The following GPR137C variants were observed in gnomAD, a reference collection of about 807,000 sequenced individuals.
The protein encoded by GPR137C is G protein-coupled receptor 137C.
A neutral mutation model predicts 43.4 loss-of-function variants in GPR137C; 27 were observed. That is an observed-to-expected ratio of 0.62 (90% CI 0.46 to 0.86). GPR137C has a LOEUF of 0.86. Ranked by LOEUF, GPR137C falls within the 40% of genes least tolerant of loss-of-function variation. The pLI is 0.00. For missense variants in GPR137C, 522 were observed against 534.6 expected (o/e 0.98, Z 0.23); for synonymous variants, 285 against 226.9 (o/e 1.26, Z -2.30).
In GPR137C at chr14:52,624,580, C is replaced by G. The variant is rs191422317; in HGVS notation, c.718-7580C>G. ...CTCTACAAAAAATACAAAAATTAGC[C>G]GGGTGTGGTGGTATGCACCTGTAGT... On this transcript the variant is annotated intron_variant, in intron 3 of 6. Coordinates refer to ENST00000321662, the MANE Select transcript of GPR137C (RefSeq NM_001099652.2). 6.2e-3 allele frequency among the ~76,000 whole-genome samples: 937 copies of G among 151,572 alleles called. 9 individuals carry two copies. The highest frequency in any genetic ancestry group is 0.022 in the African/African-American group (896 of 41,318).
intron 1 of GPR137C, among the ~76,000 whole-genome samples, chr14:52,589,996 A>T (rs2038761555): frequency 6.6e-6 from 1 of 152,184 alleles, no homozygotes; most frequent in South Asian, 2.1e-4. Flanking sequence ...ATTAAAAAAA[A>T]GTTAACTGTA....
intron 2 of GPR137C, among the ~76,000 whole-genome samples, chr14:52,599,077 T>G (rs2139524154): frequency 6.6e-6 from 1 of 152,332 alleles, no homozygotes; most frequent in African/African-American, 2.4e-5. Context: ...CAGATAAATT[T>G]CAGCATCATA....
intron 1 of GPR137C, among the ~76,000 whole-genome samples, chr14:52,597,900 T>C (rs1041714686): frequency 1.3e-5 from 2 of 152,358 alleles, no homozygotes; most frequent in East Asian, 1.9e-4. Context: ...GCCATATTCA[T>C]ATTTAAGCAA....
intron 1 of GPR137C, among the ~76,000 whole-genome samples, chr14:52,560,840 CA>C (rs1343686920): frequency 6.6e-6 from 1 of 151,954 alleles, no homozygotes; most frequent in Admixed American, 6.6e-5. Flanking sequence ...TTGCAGTAAA[CA>C]AAAAGGCATG....
chr14:52,585,400 C>T (rs534529846), intron 1 of GPR137C, among the ~76,000 whole-genome samples: 1 of 152,220 alleles, frequency 6.6e-6, no homozygotes, highest in Non-Finnish European at 1.5e-5. Flanking sequence ...CGCTCTGTCT[C>T]TCACTGTCTC....
chr14:52,625,375 G>A (rs1255229977), intron 3 of GPR137C, among the ~76,000 whole-genome samples: 5 of 150,470 alleles, frequency 3.3e-5, no homozygotes, highest in South Asian at 2.1e-4. Flanking sequence ...GCTTCTACTC[G>A]GGAGACTGAG....
At chr14:52,608,476 C>T (rs536510124) in intron 3 of GPR137C, among the ~76,000 whole-genome samples, 13 of 152,242 alleles carry the variant, frequency 8.5e-5, no homozygotes, top group African/African-American at 3.1e-4. Flanking sequence ...AAATTGTAGT[C>T]ATTATTTTTA....
Position 52,597,731 on chromosome 14 carries a change from A to T in GPR137C, c.445-541A>T, listed in dbSNP as rs2038873625. ...TTTACCTACTCACCTGACTTTATTC[A>T]ACAAGTATCTGAGCACCTGCCTTTT... On this transcript the variant is annotated intron_variant, in intron 1 of 6. Transcript: ENST00000321662. Among the ~76,000 whole-genome samples, 4 of 152,210 alleles carry T rather than the reference A, an allele frequency of 2.6e-5. No homozygotes were observed. In the South Asian group the frequency reaches 8.3e-4, roughly 32 times the overall value.
At chr14:52,579,828 T>G (rs1038191012) in intron 1 of GPR137C, among the ~76,000 whole-genome samples, 1 of 152,118 alleles carries the variant, frequency 6.6e-6, no homozygotes, top group Admixed American at 6.6e-5. Context: ...GTGCCCAAGA[T>G]TTTTTTTATT....
intron 1 of GPR137C, among the ~76,000 whole-genome samples, chr14:52,592,946 A>T (rs2038803163): frequency 6.6e-6 from 1 of 152,192 alleles, no homozygotes. Context: ...TTGCCCATTC[A>T]GTATGATACT....
intron 3 of GPR137C, among the ~76,000 whole-genome samples, chr14:52,625,391 A>C (rs1482116451): frequency 6.7e-6 from 1 of 149,322 alleles, no homozygotes. Flanking sequence ...CTGAGGCAGG[A>C]GAATCGCTTG....
At position 52,622,339 on chromosome 14, in the gene GPR137C, A is replaced by G. The variant is rs2139569601; in HGVS notation, c.718-9821A>G. On this transcript the variant is annotated intron_variant, in intron 3 of 6. Transcript: ENST00000321662. ...CATTTTGTAACATCGCGCATTAATC[A>G]TTTGGAAAAGAATGGTCCTAGATCT... Among the ~76,000 whole-genome samples, 3 of 152,172 alleles carry G rather than the reference A, an allele frequency of 2.0e-5. No individual in the cohort carries two copies. In the South Asian group the frequency reaches 6.2e-4, roughly 32 times the overall value.
intron 1 of GPR137C, among the ~76,000 whole-genome samples, chr14:52,570,462 C>G (rs968174396): frequency 1.3e-5 from 2 of 152,120 alleles, no homozygotes; most frequent in Non-Finnish European, 2.9e-5. Flanking sequence ...AACCAGCTAG[C>G]ATCATAATGA....
chr14:52,634,076 C>T (rs1594812306), intron 6 of GPR137C, 130 bp downstream of exon 6: 16 of 645,580 alleles, frequency 2.5e-5, no homozygotes, highest in Non-Finnish European at 3.3e-5. Context: ...ATCGGCAATA[C>T]TGGAGTTTAA....
intron 3 of GPR137C, among the ~76,000 whole-genome samples, chr14:52,629,313 T>C (rs1004896635): frequency 6.6e-6 from 1 of 152,186 alleles, no homozygotes; most frequent in Non-Finnish European, 1.5e-5. Context: ...AAACTATTTG[T>C]ACAAGAATAT....
rs576092803 is a variant in GPR137C at position 52,591,120 on chromosome 14, T to C, written c.445-7152T>C. 2.0e-5 allele frequency among the ~76,000 whole-genome samples: 3 copies of C among 152,240 alleles called. No individual in the cohort carries two copies. The South Asian group carries it at 6.2e-4, about 32-fold the overall frequency. ...CCTTGTGATAGTCTGCTGAGAATGA[T>C]GTTTTCCAGCTTCACCCATGTCCCT... On this transcript the variant is annotated intron_variant, in intron 1 of 6. Transcript: ENST00000321662.
At chr14:52,576,415 G>A (rs776614450) in intron 1 of GPR137C, among the ~76,000 whole-genome samples, 11 of 152,156 alleles carry the variant, frequency 7.2e-5, no homozygotes, top group Non-Finnish European at 1.3e-4. Flanking sequence ...TATGAATAGT[G>A]CTGTGATAAA....
chr14:52,598,830 T>C (rs1356881326), intron 2 of GPR137C, among the ~76,000 whole-genome samples: 2 of 152,220 alleles, frequency 1.3e-5, no homozygotes, highest in Non-Finnish European at 2.9e-5. Flanking sequence ...ATGTAGGTGA[T>C]TTCAAGATCC....
intron 3 of GPR137C, among the ~76,000 whole-genome samples, chr14:52,621,242 A>G (rs557776651): frequency 6.6e-6 from 1 of 152,054 alleles, no homozygotes; most frequent in East Asian, 1.9e-4. Flanking sequence ...AATGAAGGCC[A>G]GAAGACACGG....
Sources: allele counts gnomAD v4.1 joint callset (sites outside exome capture counted in the v4.1 genomes callset), GRCh38; gene constraint gnomAD v4.1.1; transcripts MANE v1.5; gene names NCBI Gene and HGNC (gene_info 2026-07-23, HGNC 2026-07-21).